The following PTPRG variants were observed in gnomAD, a reference collection of about 807,000 sequenced individuals.
PTPRG encodes receptor-type tyrosine-protein phosphatase gamma.
PTPRG carries 102 observed loss-of-function variants against 165.3 expected under a neutral mutation model. The ratio of observed to expected loss-of-function variants is 0.62; its 90% CI spans 0.53 to 0.73. The LOEUF is 0.73. Ranked by LOEUF, PTPRG falls within the 30% of genes least tolerant of loss-of-function variation. The pLI is 0.00. For synonymous variants in PTPRG, 675 were observed against 669.5 expected (o/e 1.01, Z -0.13); for missense variants, 1,866 against 1,861.4 (o/e 1.00, Z -0.05).
intron 10 of PTPRG, among the ~76,000 whole-genome samples, chr3:62,200,763 G>T (rs768072542): frequency 6.6e-6 from 1 of 152,150 alleles, no homozygotes; most frequent in Non-Finnish European, 1.5e-5. Context: ...TAGCTTACAG[G>T]ATTTTAAAAT....
At chr3:62,125,283 C>T (rs1449221749) in intron 5 of PTPRG, among the ~76,000 whole-genome samples, 1 of 152,212 alleles carries the variant, frequency 6.6e-6, no homozygotes, top group Admixed American at 6.5e-5. Context: ...AACCTGGCAA[C>T]CTGTTTGATC....
At chr3:62,067,256 CTT>C (rs59784449) in intron 4 of PTPRG, among the ~76,000 whole-genome samples, 74 of 139,958 alleles carry the variant, frequency 5.3e-4, no homozygotes, top group Non-Finnish European at 6.0e-4. Context: ...TAATTCTTTT[CTT>C]TTTTTTTTTT....
chr3:61,881,296 G>A (rs1260956449), intron 2 of PTPRG, among the ~76,000 whole-genome samples: 1 of 152,104 alleles, frequency 6.6e-6, no homozygotes, highest in Admixed American at 6.5e-5. Flanking sequence ...GGTTACTACT[G>A]CATCTATCAA....
intron 5 of PTPRG, among the ~76,000 whole-genome samples, chr3:62,111,396 G>T (rs989284382): frequency 6.6e-6 from 1 of 152,198 alleles, no homozygotes; most frequent in Non-Finnish European, 1.5e-5. Flanking sequence ...GACTGACAGT[G>T]TGCTTTAACA....
At chr3:61,624,172 A>G (rs1229179474) in intron 1 of PTPRG, among the ~76,000 whole-genome samples, 3 of 152,042 alleles carry the variant, frequency 2.0e-5, no homozygotes, top group Non-Finnish European at 4.4e-5. Flanking sequence ...GATTAAGATA[A>G]TCCTGTGAAT....
chr3:61,856,432 G>A (rs2037108089), intron 2 of PTPRG, among the ~76,000 whole-genome samples: 1 of 152,022 alleles, frequency 6.6e-6, no homozygotes, highest in Non-Finnish European at 1.5e-5. Flanking sequence ...AAAAGAAACA[G>A]TTACATGGAA....
chr3:62,086,190 A>G (rs942098053), intron 5 of PTPRG, among the ~76,000 whole-genome samples: 1 of 152,026 alleles, frequency 6.6e-6, no homozygotes, highest in African/African-American at 2.4e-5. Flanking sequence ...GGTGACCTAA[A>G]TTAATCTTTT....
intron 5 of PTPRG, among the ~76,000 whole-genome samples, chr3:62,092,036 C>A (rs183393064): frequency 1.3e-5 from 2 of 148,434 alleles, no homozygotes; most frequent in East Asian, 4.1e-4. Flanking sequence ...TGGTCCCTAT[C>A]ATTAGGGAGG....
At chr3:61,679,733 A>G (rs1192118950) in intron 1 of PTPRG, among the ~76,000 whole-genome samples, 1 of 152,156 alleles carries the variant, frequency 6.6e-6, no homozygotes, top group African/African-American at 2.4e-5. Flanking sequence ...GTGAGCTGAG[A>G]TCATGCCGTT....
intron 6 of PTPRG, among the ~76,000 whole-genome samples, chr3:62,146,517 A>G (rs901176392): frequency 1.3e-5 from 2 of 152,046 alleles, no homozygotes; most frequent in African/African-American, 4.8e-5. Flanking sequence ...TGAGGCATGC[A>G]TTTAATCCTC....
chr3:62,223,797 A>G (rs1380330293), intron 13 of PTPRG, among the ~76,000 whole-genome samples: 1 of 152,170 alleles, frequency 6.6e-6, no homozygotes, highest in African/African-American at 2.4e-5. Context: ...AGGAAAATCA[A>G]ATGTACAGAG....
intron 1 of PTPRG, among the ~76,000 whole-genome samples, chr3:61,678,873 C>G (rs1703328630): frequency 6.6e-6 from 1 of 152,054 alleles, no homozygotes; most frequent in Non-Finnish European, 1.5e-5. Context: ...ATCCCCCATA[C>G]CTAAGTTTTG....
intron 2 of PTPRG, among the ~76,000 whole-genome samples, chr3:61,862,635 T>A (rs1174876274): frequency 1.3e-5 from 2 of 152,130 alleles, no homozygotes; most frequent in African/African-American, 4.8e-5. Context: ...CCTCAGGTGA[T>A]CTGCCCGCCC....
rs201435446 is a variant in PTPRG, at chr3:61,625,930, ATT to A, written c.85+63559_85+63560del. Among the ~76,000 whole-genome samples the A allele has an allele frequency of 1.0e-2, 1,521 of 152,206 alleles. 26 individuals carry two copies. The highest frequency in any genetic ancestry group is 0.031 in the African/African-American group (1,289 of 41,518). On this transcript the variant is annotated intron_variant, in intron 1 of 29. Transcript: ENST00000474889. Reference sequence around the variant, plus strand: ...CCTTTTCTATGCAAATATTTCAAGCATTGAGACCATTACCTCCTGAGCAAAGC... The same window carrying A: ...CCTTTTCTATGCAAATATTTCAAGCAGAGACCATTACCTCCTGAGCAAAGC...
At chr3:62,047,364 A>C (rs572501412) in intron 4 of PTPRG, among the ~76,000 whole-genome samples, 1 of 152,098 alleles carries the variant, frequency 6.6e-6, no homozygotes, top group East Asian at 1.9e-4. Flanking sequence ...GGTTCAAGCA[A>C]TTCTCATGCT....
chr3:61,764,409 C>T (rs992572407), intron 2 of PTPRG, among the ~76,000 whole-genome samples: 2 of 152,190 alleles, frequency 1.3e-5, no homozygotes, highest in Non-Finnish European at 2.9e-5. Flanking sequence ...CTAACTACAA[C>T]AGAGAACAAA....
intron 2 of PTPRG, among the ~76,000 whole-genome samples, chr3:61,796,072 T>C (rs558432507): frequency 6.6e-6 from 1 of 152,172 alleles, no homozygotes; most frequent in Non-Finnish European, 1.5e-5. Context: ...CAAATTCCCT[T>C]TAATAATCAT....
At position 61,604,217 on chromosome 3, in the gene PTPRG, G is replaced by A. The variant is rs1305090577; in HGVS notation, c.85+41845G>A. On this transcript the variant is annotated intron_variant, in intron 1 of 29. Transcript: ENST00000474889. ...TGGGCACCTGTATTCCCAGGTACTC[G>A]GGAGGCTGAGGCAGGAGAATCACTT... 1.1e-4 allele frequency among the ~76,000 whole-genome samples: 17 copies of A among 152,288 alleles called. 1 individual carries two copies. The highest frequency in any genetic ancestry group is 8.5e-4 in the Admixed American group (13 of 15,298).
intron 13 of PTPRG, among the ~76,000 whole-genome samples, chr3:62,227,468 C>T (rs979734670): frequency 2.6e-5 from 4 of 152,212 alleles, no homozygotes; most frequent in African/African-American, 9.7e-5. Flanking sequence ...ATTTAATCCT[C>T]CAGCAGCCAT....
Sources: allele counts gnomAD v4.1 joint callset (sites outside exome capture counted in the v4.1 genomes callset), GRCh38; gene constraint gnomAD v4.1.1; transcripts MANE v1.5; gene names NCBI Gene and HGNC (gene_info 2026-07-23, HGNC 2026-07-21).